The following THUMPD3 variants were observed in gnomAD, a reference collection of about 807,000 sequenced individuals.
THUMPD3 encodes tRNA (guanine(6)-N(2))-methyltransferase THUMP3.
THUMPD3 carries 44 observed loss-of-function variants against 54.5 expected under a neutral mutation model. The observed-to-expected ratio is 0.81, with a 90% CI of 0.63 to 1.04. THUMPD3 has a LOEUF of 1.04. Ranked by LOEUF, THUMPD3 falls within the 50% of genes least tolerant of loss-of-function variation. THUMPD3 has a pLI of 0.00. For missense variants in THUMPD3, 604 were observed against 601.3 expected (o/e 1.00, Z -0.05); for synonymous variants, 196 against 201.4 (o/e 0.97, Z 0.23).
intron 6 of THUMPD3, among the ~76,000 whole-genome samples, chr3:9,378,228 G>C (rs1475494986): frequency 6.6e-6 from 1 of 152,202 alleles, no homozygotes; most frequent in African/African-American, 2.4e-5. Flanking sequence ...ATAAACTGGA[G>C]GAAGGCAATT....
chr3:9,374,741 C>G lies in THUMPD3; in HGVS notation c.938+95C>G, dbSNP rs186704871. 6,943 of 1,408,774 alleles carry G rather than the reference C, an allele frequency of 4.9e-3. 54 individuals are homozygous for G. Among genetic ancestry groups the G allele is most frequent in the Middle Eastern group, 7.1e-3 (39 of 5,486 alleles). The allele number at this position is 1,408,774 out of a possible 1,614,324, so 87.3% of individuals were successfully genotyped here. A position where few individuals can be genotyped will look rare whatever the true frequency, so the allele number is the denominator to read the frequency against. On this transcript the variant is annotated intron_variant, in intron 5 of 9. Coordinates refer to ENST00000452837, the MANE Select transcript of THUMPD3 (RefSeq NM_001114092.2). ...TTTGTGTGTATGTGTGTTTGAGGTA[C>G]TGTGTTGGAATAGAGTGGATAAAGA...
Position 9,384,767 on chromosome 3 carries a change from A to G in THUMPD3, c.*79A>G. 1 of 1,529,360 alleles carries G rather than the reference A, an allele frequency of 6.5e-7. No individual in the cohort carries two copies. 94.7% of individuals were successfully genotyped at this position (1,529,360 alleles called of 1,614,324 possible). Reference sequence around the variant, plus strand: ...ACTTGGAGAGGAAAAAAGTATTAACAAAACTGCAGTCTGCACTCTTTAAAC... The same window carrying G: ...ACTTGGAGAGGAAAAAAGTATTAACGAAACTGCAGTCTGCACTCTTTAAAC... On this transcript the variant is annotated 3_prime_UTR_variant, in exon 10 of 10. Coordinates refer to ENST00000452837, the MANE Select transcript of THUMPD3 (RefSeq NM_001114092.2).
intron 5 of THUMPD3, 98 bp from the exon 6 acceptor site, chr3:9,377,721 A>T: frequency 1.2e-6 from 1 of 858,486 alleles, no homozygotes; most frequent in Non-Finnish European, 1.9e-6. Context: ...CCTTCGGGCT[A>T]GTGTGGTAGG....
intron 2 of THUMPD3, among the ~76,000 whole-genome samples, chr3:9,365,951 A>G (rs758199835): frequency 1.3e-5 from 2 of 152,006 alleles, no homozygotes; most frequent in Non-Finnish European, 2.9e-5. Context: ...TCCTTTCAGC[A>G]TTGTGTTGGG....
At chr3:9,365,910 T>A (rs1256178239) in intron 2 of THUMPD3, among the ~76,000 whole-genome samples, 2 of 152,154 alleles carry the variant, frequency 1.3e-5, no homozygotes, top group African/African-American at 4.8e-5. Context: ...GCATTTCTAA[T>A]CTGAAAATCC....
chr3:9,376,983 CAAAGT>C (rs1215493467), intron 5 of THUMPD3, among the ~76,000 whole-genome samples: 1 of 152,136 alleles, frequency 6.6e-6, no homozygotes, highest in Non-Finnish European at 1.5e-5. Context: ...ACTAAGTGCT[CAAAGT>C]AAAGCATTTT....
At position 9,386,083 on chromosome 3, in the gene THUMPD3, C is replaced by T. The variant is rs1190605093; in HGVS notation, c.*1395C>T. On this transcript the variant is annotated 3_prime_UTR_variant, in exon 10 of 10. Transcript: ENST00000452837. The stretch of plus-strand genomic sequence containing the variant: ...GATGTCTCCATTGAGAATAAAAGGA[C>T]ACAATACTTTTGAAAGAAGAGTTCA... 1 of 152,158 alleles carries T rather than the reference C, an allele frequency of 6.6e-6. No homozygotes were observed. The highest frequency in any genetic ancestry group is 1.5e-5 in the Non-Finnish European group (1 of 68,042). 9.4% of individuals were successfully genotyped at this position (152,158 alleles called of 1,614,324 possible).
intron 1 of THUMPD3, chr3:9,363,946 A>C (rs1174309915): frequency 1.3e-5 from 2 of 151,154 alleles, no homozygotes; most frequent in African/African-American, 4.9e-5. Context: ...TTTTTGGTAG[A>C]GATGAGATTT....
At chr3:9,366,532 A>G (rs2031578903) in intron 2 of THUMPD3, among the ~76,000 whole-genome samples, 1 of 152,226 alleles carries the variant, frequency 6.6e-6, no homozygotes, top group Admixed American at 6.5e-5. Context: ...CCACTCAGCT[A>G]GTAATCACAG....
chr3:9,370,946 G>A (rs1451617679), intron 3 of THUMPD3, 114 bp from the exon 4 acceptor site: 28 of 873,238 alleles, frequency 3.2e-5, no homozygotes, highest in East Asian at 3.0e-4. Flanking sequence ...TGTCTTTGGC[G>A]GTCCTGGAAC....
In THUMPD3 at chr3:9,384,665, A is replaced by G; in HGVS notation, c.1501A>G (p.Thr501Ala). 6.2e-7 allele frequency: 1 copy of G among 1,614,076 alleles called. No individual in the cohort carries two copies. The highest frequency in any genetic ancestry group is 1.1e-5 in the South Asian group (1 of 91,082). ...TTCAGAACAAGACGGAGAAAGAGGAACTCTTTGGCAATGCAAAGAATGAAG... is the reference window on the plus strand; with the variant it reads ...TTCAGAACAAGACGGAGAAAGAGGAGCTCTTTGGCAATGCAAAGAATGAAG... The part of the protein sequence containing the change: ...HPSEQDGERG[T>A]LWQCKE The change falls in exon 10 of 10, where the codon ACT (threonine) becomes GCT (alanine). Residue 501 changes from threonine (T) to alanine (A), a missense_variant. Coordinates refer to ENST00000452837, the MANE Select transcript of THUMPD3 (RefSeq NM_001114092.2).
chr3:9,381,221 C>G (rs1465758382), intron 7 of THUMPD3, among the ~76,000 whole-genome samples: 1 of 152,164 alleles, frequency 6.6e-6, no homozygotes, highest in Non-Finnish European at 1.5e-5. Context: ...GACGAGTCAC[C>G]ACACCTGGAC....
In THUMPD3 at chr3:9,377,902, T is replaced by C. The variant is rs771624827; in HGVS notation, c.1008+14T>C. The C allele has an allele frequency of 6.3e-7, 1 of 1,597,758 alleles. No individual in the cohort carries two copies. Among genetic ancestry groups the C allele is most frequent in the East Asian group, 2.2e-5 (1 of 44,792 alleles). ...ATACCAATAGAGGTAATCATATTTCTTTAGCTTTTAGATAAGAGTGATACA... is the reference window on the plus strand; with the variant it reads ...ATACCAATAGAGGTAATCATATTTCCTTAGCTTTTAGATAAGAGTGATACA... On this transcript the variant is annotated intron_variant, in intron 6 of 9. Transcript: ENST00000452837.
chr3:9,374,938 A>T (rs2032343687), intron 5 of THUMPD3, among the ~76,000 whole-genome samples: 1 of 152,168 alleles, frequency 6.6e-6, no homozygotes, highest in African/African-American at 2.4e-5. Context: ...AGCTCACTGT[A>T]ACCTCTGCCT....
Position 9,377,907 on chromosome 3 carries a change from C to T in THUMPD3, c.1008+19C>T. 3 of 1,591,610 alleles carry T rather than the reference C, an allele frequency of 1.9e-6. No homozygotes were observed. Among genetic ancestry groups the T allele is most frequent in the Non-Finnish European group, 2.6e-6 (3 of 1,160,008 alleles). Reference sequence around the variant, plus strand: ...AATAGAGGTAATCATATTTCTTTAGCTTTTAGATAAGAGTGATACATCCAG... The same window carrying T: ...AATAGAGGTAATCATATTTCTTTAGTTTTTAGATAAGAGTGATACATCCAG... On this transcript the variant is annotated intron_variant, in intron 6 of 9. Coordinates refer to ENST00000452837, the MANE Select transcript of THUMPD3 (RefSeq NM_001114092.2).
intron 5 of THUMPD3, among the ~76,000 whole-genome samples, chr3:9,375,109 G>A (rs1044581136): frequency 6.6e-6 from 1 of 152,072 alleles, no homozygotes; most frequent in Non-Finnish European, 1.5e-5. Context: ...CACCCGCCTC[G>A]GCCTCCCAAA....
intron 5 of THUMPD3, among the ~76,000 whole-genome samples, chr3:9,374,995 C>T (rs1004509349): frequency 6.6e-6 from 1 of 152,166 alleles, no homozygotes; most frequent in Non-Finnish European, 1.5e-5. Context: ...GCTGGGATTA[C>T]AGGTGCCTGC....
intron 7 of THUMPD3, among the ~76,000 whole-genome samples, chr3:9,382,025 T>C (rs545982160): frequency 1.6e-3 from 236 of 151,944 alleles, no homozygotes; most frequent in African/African-American, 5.3e-3. Flanking sequence ...CCTCATGATC[T>C]GCCCACCTTG....
In THUMPD3 at chr3:9,377,861, G is replaced by A. The variant is rs369740119; in HGVS notation, c.981G>A (p.Met327Ile). Residue 327 changes from methionine (M) to isoleucine (I), a missense_variant, in exon 6 of 10, where the codon ATG (methionine) becomes ATA (isoleucine). Physicochemically the swap from Met to Ile is conservative, Grantham distance 10. Transcript: ENST00000452837. ...PLPYDIIVDP[M>I]CGTGAIPIEG... ...CTTATGATATAATAGTCGATCCAAT[G>A]TGTGGAACTGGGGCAATACCAATAG... The A allele has an allele frequency of 6.2e-7, 1 of 1,613,498 alleles. No homozygotes were observed.
Sources: allele counts gnomAD v4.1 joint callset (sites outside exome capture counted in the v4.1 genomes callset), GRCh38; gene constraint gnomAD v4.1.1; transcripts MANE v1.5; gene names NCBI Gene and HGNC (gene_info 2026-07-23, HGNC 2026-07-21).